Variants in ZNF596 observed in about 807,000 individuals in gnomAD.
ZNF596 encodes zinc finger protein 596.
In ZNF596, 45 loss-of-function variants were observed where a neutral mutation model predicts 48.3. The observed-to-expected ratio is 0.93, with a 90% CI of 0.73 to 1.19. ZNF596 has a LOEUF of 1.19. Among genes scored for constraint, ZNF596 ranks in the 50% most tolerant of loss-of-function variants. ZNF596 has a pLI of 0.00. For synonymous variants in ZNF596, 270 were observed against 202.0 expected (o/e 1.34, Z -2.85); for missense variants, 848 against 599.7 (o/e 1.41, Z -4.32).
At chr8:241,797 T>A (rs777496098) in intron 2 of ZNF596, among the ~76,000 whole-genome samples, 1 of 152,092 alleles carries the variant, frequency 6.6e-6, no homozygotes. Context: ...AGAAAAGAAG[T>A]TTAACTGACT....
chr8:242,131 G>C (rs1796876869), intron 2 of ZNF596, among the ~76,000 whole-genome samples: 2 of 152,298 alleles, frequency 1.3e-5, no homozygotes, highest in African/African-American at 4.8e-5. Flanking sequence ...ATAAAATTGA[G>C]AAAGGAAATC....
chr8:242,141 C>T (rs1422542475), intron 2 of ZNF596, among the ~76,000 whole-genome samples: 1 of 152,192 alleles, frequency 6.6e-6, no homozygotes, highest in Non-Finnish European at 1.5e-5. Flanking sequence ...GAAAGGAAAT[C>T]CTCAGACCAT....
At chr8:242,321 AGTGTT>A (rs1796884885) in intron 2 of ZNF596, among the ~76,000 whole-genome samples, 1 of 152,232 alleles carries the variant, frequency 6.6e-6, no homozygotes, top group Admixed American at 6.5e-5. Context: ...CACACAACTG[AGTGTT>A]CTCAGTCATT....
Position 243,030 on chromosome 8 carries a change from T to C in ZNF596, c.139+17T>C. On this transcript the variant is annotated intron_variant, in intron 3 of 5. Coordinates refer to ENST00000398612, the MANE Select transcript of ZNF596 (RefSeq NM_001042416.3). ...TCTCTATTGGTGAGTCTCTTTATAT[T>C]TATTATGTATGTATATACGGATTCA... The C allele has an allele frequency of 6.2e-7, 1 of 1,602,926 alleles. No homozygotes were observed. Among genetic ancestry groups the C allele is most frequent in the Non-Finnish European group, 8.5e-7 (1 of 1,172,382 alleles).
intron 1 of ZNF596, among the ~76,000 whole-genome samples, chr8:239,885 G>A (rs1290833171): frequency 6.6e-6 from 1 of 151,848 alleles, no homozygotes; most frequent in Non-Finnish European, 1.5e-5. Flanking sequence ...TCTTTCAGGT[G>A]ATCACCCCCC....
Position 242,896 on chromosome 8 carries a change from A to G in ZNF596, c.22A>G (p.Thr8Ala). Reference protein sequence around the residue: MPSPDSMTFEDIIVDFTQ... With the variant: MPSPDSMAFEDIIVDFTQ... ...GTCCATAATGTTTTAGGATTCCATG[A>G]CCTTCGAGGATATCATTGTAGACTT... The change falls in exon 3 of 6, where the codon ACC becomes GCC. Residue 8 changes from threonine (T) to alanine (A), a missense_variant. By Grantham distance (58) the Thr-to-Ala change is moderately conservative. Coordinates refer to ENST00000398612, the MANE Select transcript of ZNF596 (RefSeq NM_001042416.3). 6.4e-7 allele frequency: 1 copy of G among 1,558,612 alleles called. No homozygotes were observed. The highest frequency in any genetic ancestry group is 8.7e-7 in the Non-Finnish European group (1 of 1,144,958).
chr8:242,494 A>G (rs1426280727), intron 2 of ZNF596, among the ~76,000 whole-genome samples: 1 of 150,096 alleles, frequency 6.7e-6, no homozygotes, highest in Non-Finnish European at 1.5e-5. Flanking sequence ...AGTCTTGATT[A>G]AAACGTGACA....
chr8:243,827 T>C, intron 4 of ZNF596, 22 bp downstream of exon 4: 3 of 1,602,782 alleles, frequency 1.9e-6, no homozygotes, highest in Non-Finnish European at 2.6e-6. Context: ...GAAGCAGTGC[T>C]TCAATAGGAG....
At chr8:243,611 C>G (rs1796940169) in intron 3 of ZNF596, 111 bp from the exon 4 acceptor site, 5 of 960,446 alleles carry the variant, frequency 5.2e-6, no homozygotes, top group Non-Finnish European at 8.0e-6. Flanking sequence ...TCTTCCCAGG[C>G]TGACCTTCAG....
intron 2 of ZNF596, among the ~76,000 whole-genome samples, chr8:241,552 G>A (rs1461508155): frequency 6.6e-6 from 1 of 152,224 alleles, no homozygotes; most frequent in Non-Finnish European, 1.5e-5. Context: ...ATAACTGGAA[G>A]CAACTGGAGT....
At chr8:237,389 G>C (rs191310384) in intron 1 of ZNF596, 178 of 152,130 alleles carry the variant, frequency 1.2e-3, no homozygotes, top group African/African-American at 4.1e-3. Flanking sequence ...AGTAACTCCT[G>C]TTTTATCTTT....
At chr8:239,098 T>G (rs56401369) in intron 1 of ZNF596, among the ~76,000 whole-genome samples, 19,492 of 152,102 alleles carry the variant, frequency 0.13, 1,502 homozygotes, top group East Asian at 0.34. Context: ...TTATTTGAAA[T>G]TATTCAATCA....
chr8:232,868 G>C (rs1253586079), intron 1 of ZNF596, 174 bp downstream of exon 1: 5 of 462,744 alleles, frequency 1.1e-5, no homozygotes, highest in African/African-American at 6.3e-5. Flanking sequence ...GGCCGCCTCA[G>C]ACAGGACCCT....
chr8:236,439 C>T (rs532498495), intron 1 of ZNF596, among the ~76,000 whole-genome samples: 1 of 152,146 alleles, frequency 6.6e-6, no homozygotes, highest in Middle Eastern at 3.2e-3. Context: ...CCACCTCAGG[C>T]ATCATGTGCA....
chr8:245,540 C>G lies in ZNF596; in HGVS notation c.693C>G (p.Ala231=), dbSNP rs200344396. The G allele has an allele frequency of 1.5e-5, 25 of 1,613,216 alleles. No homozygotes were observed. Among genetic ancestry groups the G allele is most frequent in the African/African-American group, 4.0e-5 (3 of 74,658 alleles). Reference sequence around the variant, plus strand: ...ACGGATGTCATCTATGTGGGAAAGCCTTTACTCATTGCTCTGATCTTCGAA... The same window carrying G: ...ACGGATGTCATCTATGTGGGAAAGCGTTTACTCATTGCTCTGATCTTCGAA... ...KPHGCHLCGK[A]FTHCSDLRKH... The change falls in exon 6 of 6, where the codon GCC becomes GCG. Residue 231 remains alanine, a synonymous_variant. Transcript: ENST00000398612.
Position 245,155 on chromosome 8 carries a change from G to C in ZNF596, c.308G>C (p.Arg103Thr). Residue 103 changes from arginine to threonine, a missense_variant and splice_region_variant, in exon 6 of 6, where the codon AGA (arginine) becomes ACA (threonine). Arg to Thr is a moderately conservative substitution (Grantham distance 71). Coordinates refer to ENST00000398612, the MANE Select transcript of ZNF596 (RefSeq NM_001042416.3). ...QKGTSTISTMRSHTQEDPFLC... is the reference protein window; with the variant it reads ...QKGTSTISTMTSHTQEDPFLC... ...CTTTCATTTCATTCCCAAAACCAGA[G>C]ATCTCATACTCAAGAGGATCCTTTT... The C allele has an allele frequency of 6.4e-7, 1 of 1,574,456 alleles. No individual in the cohort carries two copies. Among genetic ancestry groups the C allele is most frequent in the East Asian group, 2.2e-5 (1 of 44,454 alleles).
intron 4 of ZNF596, chr8:244,247 A>G (rs1234594343): frequency 8.8e-6 from 2 of 226,360 alleles, no homozygotes; most frequent in South Asian, 7.4e-5. Flanking sequence ...TGAGGGAAAC[A>G]TTTCTCAGAT....
At position 246,378 on chromosome 8, in the gene ZNF596, G is replaced by A. The variant is rs1164386401; in HGVS notation, c.*16G>A. The A allele has an allele frequency of 6.4e-7, 1 of 1,556,194 alleles. No homozygotes were observed. The highest frequency in any genetic ancestry group is 8.6e-7 in the Non-Finnish European group (1 of 1,157,680). On this transcript the variant is annotated 3_prime_UTR_variant, in exon 6 of 6. Coordinates refer to ENST00000398612, the MANE Select transcript of ZNF596 (RefSeq NM_001042416.3). ...GAATATGTAAGAATCATCAGCTGTAGCGTTAACACTAAATACACCAAGGAC... is the reference window on the plus strand; with the variant it reads ...GAATATGTAAGAATCATCAGCTGTAACGTTAACACTAAATACACCAAGGAC...
At chr8:244,743 C>T (rs371132312) in intron 5 of ZNF596, 42 bp downstream of exon 5, 20 of 1,531,662 alleles carry the variant, frequency 1.3e-5, no homozygotes, top group Non-Finnish European at 1.3e-5. Context: ...CATATAGAAA[C>T]CTGGACATTA....
Sources: gnomAD v4.1 joint callset for allele counts (sites outside exome capture counted in the v4.1 genomes callset) on GRCh38, gnomAD v4.1.1 for gene constraint, MANE v1.5 for transcripts, NCBI Gene and HGNC (gene_info 2026-07-23, HGNC 2026-07-21) for gene names.